PTPRD: variants seen among roughly 807,000 people sequenced by gnomAD.
PTPRD encodes protein tyrosine phosphatase receptor type D.
Under a neutral mutation model 214.5 loss-of-function variants are expected in PTPRD, and 34 were observed. That is an observed-to-expected ratio of 0.16 (90% CI 0.12 to 0.21). The LOEUF (loss-of-function observed/expected upper bound fraction) is 0.21, where lower values mean the gene tolerates loss of function less well. Among genes scored for constraint, PTPRD ranks in the 10% least tolerant of loss-of-function variants. The probability of loss-of-function intolerance (pLI) is 1.00; values close to 1 mark genes in which losing one functional copy is unlikely to be tolerated. For synonymous variants in PTPRD, 1,128 were observed against 845.7 expected, an observed-to-expected ratio of 1.33 and a Z score of -5.79; for missense variants, 2,545 against 2,398.7, an observed-to-expected ratio of 1.06 and a Z score of -1.27.
chr9:9,324,143 T>G (rs1296292033), intron 9 of PTPRD, among the ~76,000 whole-genome samples: 1 of 152,206 alleles, frequency 6.6e-6, no homozygotes. Context: ...AGTGTTGCAA[T>G]AAACATACGT....
chr9:10,176,458 A>T (rs1013680312), intron 3 of PTPRD, among the ~76,000 whole-genome samples: 4 of 151,992 alleles, frequency 2.6e-5, no homozygotes, highest in Non-Finnish European at 5.9e-5. Flanking sequence ...CAACATTTTG[A>T]CCTATGTATC....
intron 5 of PTPRD, among the ~76,000 whole-genome samples, chr9:9,938,054 A>T (rs1359599283): frequency 6.6e-6 from 1 of 152,012 alleles, no homozygotes; most frequent in Non-Finnish European, 1.5e-5. Flanking sequence ...TTATTGCCTA[A>T]CTCTGGAAAT....
At chr9:9,751,088 C>T (rs796172339) in intron 6 of PTPRD, among the ~76,000 whole-genome samples, 21 of 152,194 alleles carry the variant, frequency 1.4e-4, no homozygotes, top group African/African-American at 5.1e-4. Flanking sequence ...AATGAAGATT[C>T]TAAACATGCA....
chr9:9,786,466 C>A (rs762232146), intron 5 of PTPRD, among the ~76,000 whole-genome samples: 6 of 152,148 alleles, frequency 3.9e-5, no homozygotes, highest in Non-Finnish European at 8.8e-5. Flanking sequence ...TAAATTACCA[C>A]ATAATCAGCA....
chr9:9,677,963 T>C (rs1467603576), intron 7 of PTPRD, among the ~76,000 whole-genome samples: 1 of 152,098 alleles, frequency 6.6e-6, no homozygotes, highest in Non-Finnish European at 1.5e-5. Flanking sequence ...GGAACTCCCA[T>C]TCACAATTGC....
At chr9:8,337,306 C>T (rs1033953622) in intron 43 of PTPRD, among the ~76,000 whole-genome samples, 3 of 151,946 alleles carry the variant, frequency 2.0e-5, no homozygotes, top group African/African-American at 7.2e-5. Context: ...ATGTCCTTTG[C>T]AGGGACATGG....
chr9:8,805,024 T>C lies in PTPRD; in HGVS notation c.-103-71078A>G, dbSNP rs182556906. ...GGGAGGCTCAGAAGGGATTACAGCA[T>C]GCTTTTGGTAGAAATTCCCATGGAA... On this transcript the variant is annotated intron_variant, in intron 11 of 45. Transcript: ENST00000381196. Among the ~76,000 whole-genome samples the C allele has an allele frequency of 5.1e-4, 77 of 152,326 alleles. No individual in the cohort carries two copies. In the East Asian group the frequency reaches 0.013, roughly 26 times the overall value.
At chr9:10,585,047 T>C (rs937713660) in intron 2 of PTPRD, among the ~76,000 whole-genome samples, 3 of 152,138 alleles carry the variant, frequency 2.0e-5, no homozygotes, top group Non-Finnish European at 4.4e-5. Context: ...ATTTCAGTCA[T>C]GTATTGTGAT....
At chr9:8,878,212 C>T (rs1052154837) in intron 11 of PTPRD, among the ~76,000 whole-genome samples, 9 of 152,240 alleles carry the variant, frequency 5.9e-5, no homozygotes, top group Non-Finnish European at 1.2e-4. Context: ...CTTGATCATT[C>T]GTAGGAGATT....
chr9:9,717,669 C>T (rs919898386), intron 7 of PTPRD, among the ~76,000 whole-genome samples: 13 of 152,240 alleles, frequency 8.5e-5, no homozygotes, highest in African/African-American at 3.1e-4. Flanking sequence ...AACACTTAAC[C>T]CATGAACTTA....
intron 11 of PTPRD, among the ~76,000 whole-genome samples, chr9:8,967,785 G>C (rs572144350): frequency 2.0e-5 from 3 of 151,964 alleles, no homozygotes; most frequent in Admixed American, 6.6e-5. Context: ...AAAGTTTTAG[G>C]GTACAAGTGC....
At chr9:9,587,129 G>A (rs998231525) in intron 7 of PTPRD, among the ~76,000 whole-genome samples, 13 of 151,900 alleles carry the variant, frequency 8.6e-5, no homozygotes, top group Admixed American at 2.0e-4. Context: ...TTATTTTAGA[G>A]GAAAATAAAG....
chr9:8,341,148 G>T lies in PTPRD; in HGVS notation c.5068C>A (p.Pro1690Thr), dbSNP rs724159864. 6.8e-6 allele frequency: 11 copies of T among 1,612,884 alleles called. No homozygotes were observed. The highest frequency in any genetic ancestry group is 2.2e-5 in the South Asian group (2 of 90,946). ...TCAGATCCTTCTACTCCACGGATAG[G>T]CTGCAGGCATACCCTTGTGGATTCA... The part of the protein sequence containing the change: ...PYESTRVCLQ[P>T]IRGVEGSDYI... Residue 1690 changes from proline to threonine, a missense_variant, in exon 41 of 46, where the codon CCT becomes ACT. Physicochemically the swap from Pro to Thr is conservative, Grantham distance 38 (BLOSUM62 -1). Transcript: ENST00000381196.
At chr9:8,660,653 T>C (rs77676840) in intron 12 of PTPRD, among the ~76,000 whole-genome samples, 1 of 152,146 alleles carries the variant, frequency 6.6e-6, no homozygotes, top group African/African-American at 2.4e-5. Flanking sequence ...CAAACTAAAC[T>C]GGACTTGTTC....
intron 10 of PTPRD, among the ~76,000 whole-genome samples, chr9:9,135,046 T>C (rs1185332053): frequency 1.3e-5 from 2 of 152,212 alleles, no homozygotes; most frequent in Admixed American, 6.5e-5. Context: ...TACCTTGAAT[T>C]TCATTAATTT....
chr9:9,177,978 A>T (rs528916630), intron 10 of PTPRD, among the ~76,000 whole-genome samples: 150 of 152,256 alleles, frequency 9.9e-4, no homozygotes, highest in African/African-American at 3.4e-3. Context: ...GTGCTGGGAA[A>T]GAGAGATCAG....
intron 3 of PTPRD, among the ~76,000 whole-genome samples, chr9:10,244,045 C>T (rs974236153): frequency 2.0e-4 from 31 of 151,586 alleles, no homozygotes; most frequent in African/African-American, 6.3e-4. Flanking sequence ...ATGTAATATA[C>T]GTAAAGTGCA....
At chr9:8,877,684 C>T (rs2098406152) in intron 11 of PTPRD, among the ~76,000 whole-genome samples, 1 of 152,174 alleles carries the variant, frequency 6.6e-6, no homozygotes, top group South Asian at 2.1e-4. Context: ...AAACTTGACA[C>T]ATTTTTCAGC....
At chr9:10,427,723 A>T (rs1477210069) in intron 2 of PTPRD, among the ~76,000 whole-genome samples, 6 of 152,108 alleles carry the variant, frequency 3.9e-5, no homozygotes, top group Admixed American at 2.6e-4. Flanking sequence ...TAGCAAAAAA[A>T]AGAAACCAAA....
Sources: allele counts gnomAD v4.1 joint callset (sites outside exome capture counted in the v4.1 genomes callset), GRCh38; gene constraint gnomAD v4.1.1; transcripts MANE v1.5; gene names NCBI Gene and HGNC (gene_info 2026-07-23, HGNC 2026-07-21).